Variants in GALR1 observed in about 807,000 individuals in gnomAD.
GALR1 encodes galanin receptor type 1.
Under a neutral mutation model 17.9 loss-of-function variants are expected in GALR1, and 11 were observed. The ratio of observed to expected loss-of-function variants is 0.62; its 90% confidence interval spans 0.39 to 1.02. The LOEUF (loss-of-function observed/expected upper bound fraction) is 1.02. Ranked by LOEUF, GALR1 falls within the 50% of genes least tolerant of loss-of-function variation. GALR1 has a pLI of 0.01. For synonymous variants in GALR1, 206 were observed against 205.7 expected (o/e 1.00, Z -0.01); for missense variants, 441 against 456.9 (o/e 0.97, Z 0.32).
chr18:77,260,671 A>T (rs766934104), intron 2 of GALR1, among the ~76,000 whole-genome samples: 1 of 152,260 alleles, frequency 6.6e-6, no homozygotes, highest in Non-Finnish European at 1.5e-5. Context: ...ACATGCTAAC[A>T]GTTATTCTCC....
Position 77,250,354 on chromosome 18 carries a change from C to T in GALR1, c.-195C>T, listed in dbSNP as rs911403855. ...CCGAACCCACCCTCTCTCAGAAGGT[C>T]CCGGCGCAAAGACGGTGCCACCAGG... On this transcript the variant is annotated 5_prime_UTR_variant, in exon 1 of 3. Transcript: ENST00000299727. Among the ~76,000 whole-genome samples, 1 of 152,182 alleles carries T rather than the reference C, an allele frequency of 6.6e-6. No individual in the cohort carries two copies. The highest frequency in any genetic ancestry group is 2.4e-5 in the African/African-American group (1 of 41,458).
chr18:77,259,525 G>T (rs541357216), intron 2 of GALR1, among the ~76,000 whole-genome samples: 2 of 151,086 alleles, frequency 1.3e-5, no homozygotes, highest in South Asian at 4.2e-4. Flanking sequence ...TAGTGATGGT[G>T]GTGGTGGTCA....
intron 1 of GALR1, among the ~76,000 whole-genome samples, chr18:77,252,957 CA>C (rs1912488205): frequency 1.6e-5 from 1 of 64,074 alleles, no homozygotes; most frequent in Admixed American, 1.4e-4. Flanking sequence ...CCATCACCAC[CA>C]TCACCACCAC....
intron 2 of GALR1, among the ~76,000 whole-genome samples, chr18:77,259,631 G>A (rs1912782222): frequency 6.6e-6 from 1 of 151,092 alleles, no homozygotes; most frequent in Admixed American, 6.6e-5. Context: ...GATGGTGCCA[G>A]TGGTGGTGGT....
In GALR1 at chr18:77,250,605, C is replaced by A. The variant is rs1032081992; in HGVS notation, c.57C>A (p.Pro19=). The A allele has an allele frequency of 2.9e-5, 45 of 1,561,670 alleles. No homozygotes were observed. Among genetic ancestry groups the A allele is most frequent in the Non-Finnish European group, 3.5e-5 (40 of 1,157,614 alleles). Residue 19 remains proline, a synonymous_variant, in exon 1 of 3, where the codon CCC becomes CCA. Coordinates refer to ENST00000299727, the MANE Select transcript of GALR1 (RefSeq NM_001480.4). The part of the protein sequence containing the change: ...SEGNASWPEP[P]APEPGPLFGI... ...GCAACGCGAGCTGGCCGGAGCCCCC[C>A]GCCCCGGAGCCCGGGCCGCTGTTCG...
At chr18:77,253,665 C>A (rs1347461767) in intron 1 of GALR1, 1 of 152,170 alleles carries the variant, frequency 6.6e-6, no homozygotes, top group Non-Finnish European at 1.5e-5. Flanking sequence ...GTGCACCATC[C>A]AGTTAAGGAT....
intron 2 of GALR1, among the ~76,000 whole-genome samples, chr18:77,262,887 T>C (rs868714382): frequency 1.3e-5 from 2 of 152,122 alleles, no homozygotes; most frequent in African/African-American, 4.8e-5. Context: ...CTAAGAGCAA[T>C]GGGACTAGTA....
In GALR1 at chr18:77,269,406, C is replaced by A. The variant is rs1203911947; in HGVS notation, c.*504C>A. On this transcript the variant is annotated 3_prime_UTR_variant, in exon 3 of 3. Transcript: ENST00000299727. ...TTTTTGGCCATTTACATAGACATAT[C>A]TATTAAGTGGAAAGAAGGCTTTCTG... 1 of 153,064 alleles carries A rather than the reference C, an allele frequency of 6.5e-6. No homozygotes were observed. The highest frequency in any genetic ancestry group is 1.5e-5 in the Non-Finnish European group (1 of 68,774). The allele number at this position is 153,064 out of a possible 1,614,324, so 9.5% of individuals were successfully genotyped here.
chr18:77,265,023 C>T (rs1912916406), intron 2 of GALR1, among the ~76,000 whole-genome samples: 1 of 152,164 alleles, frequency 6.6e-6, no homozygotes, highest in Non-Finnish European at 1.5e-5. Flanking sequence ...AAAACACAAT[C>T]ATGCCCTTCC....
In GALR1 at chr18:77,259,455, G is replaced by A. The variant is rs1344789965; in HGVS notation, c.732+3232G>A. ...TGGTGGTGATGATGGTGATCATGGT[G>A]GTGATGGTGGTGATGGTGGCGATTG... is the stretch of plus-strand genomic sequence containing the variant. On this transcript the variant is annotated intron_variant, in intron 2 of 2. Transcript: ENST00000299727. 5.4e-5 allele frequency among the ~76,000 whole-genome samples: 8 copies of A among 147,840 alleles called. No individual in the cohort carries two copies. The East Asian group carries it at 6.1e-4, about 11-fold the overall frequency.
chr18:77,260,246 C>G (rs1035524067), intron 2 of GALR1, among the ~76,000 whole-genome samples: 4 of 152,146 alleles, frequency 2.6e-5, no homozygotes, highest in African/African-American at 9.7e-5. Context: ...ATAGATGGCC[C>G]CTTCTCTCTG....
chr18:77,261,689 A>T (rs1912833129), intron 2 of GALR1, among the ~76,000 whole-genome samples: 1 of 152,252 alleles, frequency 6.6e-6, no homozygotes, highest in African/African-American at 2.4e-5. Context: ...TTCTAAGGAA[A>T]GGAGATGCTT....
At chr18:77,253,509 T>C (rs1197912813) in intron 1 of GALR1, among the ~76,000 whole-genome samples, 1 of 152,232 alleles carries the variant, frequency 6.6e-6, no homozygotes, top group Non-Finnish European at 1.5e-5. Flanking sequence ...TAAAATCTTC[T>C]TACTGGAAAT....
chr18:77,267,410 TCA>T (rs1912966280), intron 2 of GALR1, among the ~76,000 whole-genome samples: 1 of 152,230 alleles, frequency 6.6e-6, no homozygotes, highest in Non-Finnish European at 1.5e-5. Context: ...CTCCTGAGTC[TCA>T]GTTTCCTCAT....
In GALR1 at chr18:77,268,770, C is replaced by A; in HGVS notation, c.918C>A (p.Leu306=). The change falls in exon 3 of 3, where the codon CTC becomes CTA. Residue 306 remains leucine, a synonymous_variant. Transcript: ENST00000299727. ...TGAATCCTATCATTTATGCATTTCT[C>A]TCTGAAAATTTCAGGAAGGCCTATA... ...SSVNPIIYAF[L]SENFRKAYKQ... 6 of 1,614,180 alleles carry A rather than the reference C, an allele frequency of 3.7e-6. No individual in the cohort carries two copies. The highest frequency in any genetic ancestry group is 5.1e-6 in the Non-Finnish European group (6 of 1,180,022).
chr18:77,274,116 G>C lies in GALR1; in HGVS notation c.*5214G>C, dbSNP rs772826080. 6.6e-6 allele frequency: 1 copy of C among 151,998 alleles called. No individual in the cohort carries two copies. Among genetic ancestry groups the C allele is most frequent in the Non-Finnish European group, 1.5e-5 (1 of 68,010 alleles). The allele number at this position is 151,998 out of a possible 1,614,324, so 9.4% of individuals were successfully genotyped here. ...TTATGAACACTGGAACTATTTATGT[G>C]TCATCATTCCAAAGACCATTGTGAT... On this transcript the variant is annotated 3_prime_UTR_variant, in exon 3 of 3. Coordinates refer to ENST00000299727, the MANE Select transcript of GALR1 (RefSeq NM_001480.4).
chr18:77,253,418 T>C (rs995454719), intron 1 of GALR1, among the ~76,000 whole-genome samples: 4 of 152,202 alleles, frequency 2.6e-5, no homozygotes, highest in Non-Finnish European at 4.4e-5. Context: ...TCTTAACATA[T>C]ATGGCTGTTA....
Position 77,269,001 on chromosome 18 carries a change from T to A in GALR1, c.*99T>A. The A allele has an allele frequency of 1.1e-6, 1 of 889,016 alleles. No homozygotes were observed. The highest frequency in any genetic ancestry group is 1.8e-6 in the Non-Finnish European group (1 of 568,426). 55.1% of individuals were successfully genotyped at this position (889,016 alleles called of 1,614,324 possible). A position where few individuals can be genotyped will look rare whatever the true frequency, so the allele number is the denominator to read the frequency against. ...GTAAGCGATGCTGCAACTTGTTATC[T>A]TAACAAGAATTCAAGTCGTTTTAAT... On this transcript the variant is annotated 3_prime_UTR_variant, in exon 3 of 3. Coordinates refer to ENST00000299727, the MANE Select transcript of GALR1 (RefSeq NM_001480.4).
chr18:77,250,849 TG>T lies in GALR1; in HGVS notation c.304del (p.Val102CysfsTer20). On this transcript the variant is annotated frameshift_variant, in exon 1 of 3. Transcript: ENST00000299727. LOFTEE classifies it high-confidence loss of function. ...GGCCACCGTGTACGCGCTGCCCACC[TG>T]GGTGCTGGGCGCCTTCATCTGCAAG... ...FQATVYALPT[W>X]VLGAFICKFI... 1 of 1,613,014 alleles carries T rather than the reference TG, an allele frequency of 6.2e-7. No individual in the cohort carries two copies. Among genetic ancestry groups the T allele is most frequent in the Non-Finnish European group, 8.5e-7 (1 of 1,180,002 alleles).
Sources: gnomAD v4.1 joint callset for allele counts (sites outside exome capture counted in the v4.1 genomes callset) on GRCh38, gnomAD v4.1.1 for gene constraint, MANE v1.5 for transcripts, NCBI Gene and HGNC (gene_info 2026-07-23, HGNC 2026-07-21) for gene names.